Variants in SOX6 observed in about 807,000 individuals in gnomAD.
The protein encoded by SOX6 is transcription factor SOX-6.
Under a neutral mutation model 97.8 loss-of-function variants are expected in SOX6, and 11 were observed. The observed-to-expected ratio is 0.11, with a 90% CI of 0.07 to 0.19. SOX6 has a LOEUF of 0.19. SOX6 is among the 10% of genes least tolerant of loss of function. The pLI, the probability that SOX6 is intolerant of heterozygous loss-of-function variation, is 1.00. For missense variants in SOX6, 810 were observed against 1,039.5 expected (o/e 0.78, Z 3.04); for synonymous variants, 360 against 371.4 (o/e 0.97, Z 0.35).
intron 3 of SOX6, among the ~76,000 whole-genome samples, chr11:16,288,157 G>T (rs1046337968): frequency 6.6e-6 from 1 of 151,940 alleles, no homozygotes; most frequent in African/African-American, 2.4e-5. Flanking sequence ...AATTCTCAAG[G>T]GTCCAGTATT....
chr11:16,599,267 C>A (rs1341964675), intron 4 of SOX6, among the ~76,000 whole-genome samples: 1 of 152,084 alleles, frequency 6.6e-6, no homozygotes, highest in African/African-American at 2.4e-5. Context: ...GCCACACACA[C>A]CACAATAAAA....
chr11:16,553,031 T>C (rs1027870743), intron 4 of SOX6, among the ~76,000 whole-genome samples: 16 of 152,188 alleles, frequency 1.1e-4, no homozygotes, highest in Non-Finnish European at 1.9e-4. Context: ...ATAATAAAAA[T>C]AATTATTGAT....
intron 3 of SOX6, among the ~76,000 whole-genome samples, chr11:16,260,032 C>G (rs940894148): frequency 6.6e-6 from 1 of 151,780 alleles, no homozygotes; most frequent in Admixed American, 6.6e-5. Context: ...GACGGAGTCT[C>G]GCTGTCATCC....
intron 3 of SOX6, among the ~76,000 whole-genome samples, chr11:16,697,072 A>C (rs1008354341): frequency 1.3e-5 from 2 of 152,210 alleles, no homozygotes; most frequent in East Asian, 3.8e-4. Context: ...CATAAAATGC[A>C]ATTCCTCACT....
At chr11:16,102,459 C>T (rs1848972852) in intron 7 of SOX6, among the ~76,000 whole-genome samples, 2 of 151,854 alleles carry the variant, frequency 1.3e-5, no homozygotes, top group Admixed American at 6.6e-5. Context: ...CTGCCAAAAG[C>T]AATCTACAAA....
intron 9 of SOX6, among the ~76,000 whole-genome samples, chr11:16,065,088 C>T (rs1848062171): frequency 6.6e-6 from 1 of 151,976 alleles, no homozygotes. Flanking sequence ...TCCTTGTTTA[C>T]AGATGATATG....
At chr11:16,509,649 T>G (rs977743950) in intron 4 of SOX6, among the ~76,000 whole-genome samples, 2 of 152,108 alleles carry the variant, frequency 1.3e-5, no homozygotes, top group African/African-American at 4.8e-5. Flanking sequence ...GTCATGATTA[T>G]GCCCAGACAG....
chr11:16,514,232 A>AAT (rs1860926704), intron 4 of SOX6, among the ~76,000 whole-genome samples: 1 of 150,962 alleles, frequency 6.6e-6, no homozygotes, highest in African/African-American at 2.4e-5. Flanking sequence ...AAAAAAAAAA[A>AAT]GGTGTTTAAA....
At chr11:16,722,642 C>G (rs1848275707) in intron 2 of SOX6, among the ~76,000 whole-genome samples, 1 of 151,636 alleles carries the variant, frequency 6.6e-6, no homozygotes, top group South Asian at 2.1e-4. Context: ...CAAAGTGAAA[C>G]TCTGTCTCAA....
chr11:16,281,101 A>G (rs546188300), intron 3 of SOX6, among the ~76,000 whole-genome samples: 1 of 152,208 alleles, frequency 6.6e-6, no homozygotes, highest in East Asian at 1.9e-4. Flanking sequence ...GAGTTTTTCT[A>G]TTCACTCTAC....
At chr11:16,074,139 A>AC (rs1848292522) in intron 9 of SOX6, among the ~76,000 whole-genome samples, 2 of 152,266 alleles carry the variant, frequency 1.3e-5, no homozygotes, top group South Asian at 4.1e-4. Context: ...AAAAAACCAT[A>AC]CAAAAAATCA....
chr11:16,343,108 A>C (rs1856682282), intron 1 of SOX6, among the ~76,000 whole-genome samples: 1 of 151,740 alleles, frequency 6.6e-6, no homozygotes, highest in Middle Eastern at 3.4e-3. Flanking sequence ...GATGCTTCTT[A>C]GTATAAGAGA....
At chr11:16,177,399 T>C (rs550508253) in intron 6 of SOX6, among the ~76,000 whole-genome samples, 3 of 152,080 alleles carry the variant, frequency 2.0e-5, no homozygotes, top group Non-Finnish European at 4.4e-5. Flanking sequence ...AATTTTGTCA[T>C]ATCCAAGTAC....
At position 16,095,990 on chromosome 11, in the gene SOX6, T is replaced by C; in HGVS notation, c.1101+6A>G. On this transcript the variant is annotated splice_donor_region_variant and intron_variant, in intron 9 of 15. Coordinates refer to ENST00000683767, the MANE Select transcript of SOX6 (RefSeq NM_001367873.1). ...CCCAATGAAGCATCAATGGAAGCAT[T>C]CATACCTCAATCTGTTTGTGGTTGT... The C allele has an allele frequency of 1.2e-6, 2 of 1,610,496 alleles. No individual in the cohort carries two copies. The highest frequency in any genetic ancestry group is 8.5e-7 in the Non-Finnish European group (1 of 1,177,852).
chr11:16,164,101 A>T (rs1850824628), intron 6 of SOX6, among the ~76,000 whole-genome samples: 1 of 152,088 alleles, frequency 6.6e-6, no homozygotes, highest in Non-Finnish European at 1.5e-5. Context: ...ATCCCACCTC[A>T]GCCTACCCAG....
At position 16,255,920 on chromosome 11, in the gene SOX6, T is replaced by C. The variant is rs189375800; in HGVS notation, c.446-21249A>G. On this transcript the variant is annotated intron_variant, in intron 3 of 15. Coordinates refer to ENST00000683767, the MANE Select transcript of SOX6 (RefSeq NM_001367873.1). ...TATCATTACAGTTCCCATGGACAATTAGAAATCTTTTTAACAACTCCATAG... is the reference window on the plus strand; with the variant it reads ...TATCATTACAGTTCCCATGGACAATCAGAAATCTTTTTAACAACTCCATAG... Among the ~76,000 whole-genome samples, 7 of 151,136 alleles carry C rather than the reference T, an allele frequency of 4.6e-5. No individual in the cohort carries two copies. The East Asian group carries it at 1.4e-3, about 29-fold the overall frequency.
intron 1 of SOX6, among the ~76,000 whole-genome samples, chr11:16,344,730 G>A (rs1856730166): frequency 6.6e-6 from 1 of 151,734 alleles, no homozygotes; most frequent in South Asian, 2.1e-4. Flanking sequence ...CAAAATCCTT[G>A]TGGAAATGGT....
intron 3 of SOX6, among the ~76,000 whole-genome samples, chr11:16,238,885 T>G (rs555425428): frequency 6.6e-6 from 1 of 152,108 alleles, no homozygotes; most frequent in South Asian, 2.1e-4. Context: ...TATTAACACT[T>G]TGAGAAAATA....
At chr11:16,292,689 G>A (rs909560679) in intron 3 of SOX6, among the ~76,000 whole-genome samples, 3 of 152,134 alleles carry the variant, frequency 2.0e-5, no homozygotes, top group African/African-American at 7.2e-5. Flanking sequence ...TACCCCGACG[G>A]ATAGGCTGAA....
Sources: gnomAD v4.1 joint callset for allele counts (sites outside exome capture counted in the v4.1 genomes callset) on GRCh38, gnomAD v4.1.1 for gene constraint, MANE v1.5 for transcripts, NCBI Gene and HGNC (gene_info 2026-07-23, HGNC 2026-07-21) for gene names.